Variants in FOXP1 observed in about 807,000 individuals in gnomAD.
The protein encoded by FOXP1 is forkhead box protein P1.
FOXP1 carries 15 observed loss-of-function variants against 98.2 expected under a neutral mutation model. The ratio of observed to expected loss-of-function variants is 0.15; its 90% confidence interval spans 0.10 to 0.24. The LOEUF (loss-of-function observed/expected upper bound fraction) is 0.24. Among genes scored for constraint, FOXP1 ranks in the 10% least tolerant of loss-of-function variants. The pLI is 1.00. For synonymous variants in FOXP1, 371 were observed against 314.5 expected (o/e 1.18, Z -1.90); for missense variants, 633 against 848.5 (o/e 0.75, Z 3.15).
At chr3:71,126,109 T>C (rs2059151745) in intron 6 of FOXP1, among the ~76,000 whole-genome samples, 1 of 152,206 alleles carries the variant, frequency 6.6e-6, no homozygotes, top group African/African-American at 2.4e-5. Flanking sequence ...GTAAAATGTA[T>C]ACATGAATTG....
chr3:71,348,644 C>A (rs184496549), intron 4 of FOXP1, among the ~76,000 whole-genome samples: 1 of 151,696 alleles, frequency 6.6e-6, no homozygotes, highest in Non-Finnish European at 1.5e-5. Context: ...ATAAGTCACA[C>A]ATGCAGGTGT....
intron 2 of FOXP1, among the ~76,000 whole-genome samples, chr3:71,578,825 G>GT (rs1246711630): frequency 6.6e-6 from 1 of 152,172 alleles, no homozygotes; most frequent in African/African-American, 2.4e-5. Flanking sequence ...GAAAAACTCA[G>GT]TAACAGAAAA....
chr3:71,475,687 A>G (rs2089767117), intron 3 of FOXP1, among the ~76,000 whole-genome samples: 1 of 152,030 alleles, frequency 6.6e-6, no homozygotes, highest in African/African-American at 2.4e-5. Flanking sequence ...TACTAATAAT[A>G]CAAAAATTAG....
At chr3:71,150,198 C>T (rs555233323) in intron 6 of FOXP1, among the ~76,000 whole-genome samples, 2 of 152,126 alleles carry the variant, frequency 1.3e-5, no homozygotes, top group African/African-American at 4.8e-5. Flanking sequence ...GAGATAAGGG[C>T]GAAATCAACG....
chr3:71,302,397 T>A (rs1452515251), intron 4 of FOXP1, among the ~76,000 whole-genome samples: 1 of 151,988 alleles, frequency 6.6e-6, no homozygotes, highest in East Asian at 1.9e-4. Context: ...CAATACTATA[T>A]TTGCTATTTT....
chr3:71,162,044 C>G (rs997233405), intron 6 of FOXP1, among the ~76,000 whole-genome samples: 1 of 152,118 alleles, frequency 6.6e-6, no homozygotes, highest in Non-Finnish European at 1.5e-5. Context: ...AAATCCCTAC[C>G]CGCAGTTTAT....
intron 6 of FOXP1, among the ~76,000 whole-genome samples, chr3:71,133,030 A>C (rs2059648238): frequency 6.6e-6 from 1 of 152,184 alleles, no homozygotes; most frequent in African/African-American, 2.4e-5. Context: ...CTTACTCCAA[A>C]CATCTCCCAA....
chr3:71,090,908 C>A (rs1353836881), intron 7 of FOXP1, among the ~76,000 whole-genome samples: 1 of 152,106 alleles, frequency 6.6e-6, no homozygotes, highest in African/African-American at 2.4e-5. Context: ...AGGGGGTTGA[C>A]AACTGCCACT....
chr3:70,972,592 C>G lies in FOXP1; in HGVS notation c.1615G>C (p.Val539Leu), dbSNP rs2107197723. The part of the protein sequence containing the change: ...VKGAVWTVDE[V>L]EFQKRRPQKI... ...TGTGGCCTTCGTTTTTGGAATTCTA[C>G]TTCATCCACTGTCCATACTGCCCCT... The change falls in exon 18 of 21, where the codon GTA (valine) becomes CTA (leucine). Residue 539 changes from valine (V) to leucine (L), a missense_variant. By Grantham distance (32) the Val-to-Leu change is conservative (BLOSUM62 1). Transcript: ENST00000649528. 1 of 1,614,212 alleles carries G rather than the reference C, an allele frequency of 6.2e-7. No individual in the cohort carries two copies. The highest frequency in any genetic ancestry group is 8.5e-7 in the Non-Finnish European group (1 of 1,180,020).
intron 2 of FOXP1, among the ~76,000 whole-genome samples, chr3:71,502,564 C>G (rs1015386693): frequency 1.3e-5 from 2 of 152,164 alleles, no homozygotes; most frequent in Non-Finnish European, 2.9e-5. Context: ...ATATTATTTT[C>G]ATCTTCACAC....
chr3:71,464,147 A>T (rs1560521911), intron 3 of FOXP1, among the ~76,000 whole-genome samples: 1 of 152,208 alleles, frequency 6.6e-6, no homozygotes, highest in African/African-American at 2.4e-5. Context: ...GCGTGATGGC[A>T]CATGCTGTGG....
chr3:71,502,008 G>C (rs560087937), intron 2 of FOXP1, among the ~76,000 whole-genome samples: 6 of 152,318 alleles, frequency 3.9e-5, no homozygotes, highest in African/African-American at 1.4e-4. Context: ...AGAAGGTTGG[G>C]AGGCGTGACG....
chr3:71,432,981 T>C (rs1186994506), intron 3 of FOXP1, among the ~76,000 whole-genome samples: 1 of 152,128 alleles, frequency 6.6e-6, no homozygotes, highest in Non-Finnish European at 1.5e-5. Flanking sequence ...TTCTAATGGT[T>C]AGAACACCCT....
At chr3:71,172,638 G>A (rs558599408) in intron 6 of FOXP1, among the ~76,000 whole-genome samples, 6 of 152,180 alleles carry the variant, frequency 3.9e-5, no homozygotes, top group Non-Finnish European at 8.8e-5. Context: ...CAGGGACTCC[G>A]AATCCTAGGT....
At chr3:71,214,163 G>A (rs903555036) in intron 5 of FOXP1, among the ~76,000 whole-genome samples, 2 of 152,226 alleles carry the variant, frequency 1.3e-5, no homozygotes, top group African/African-American at 4.8e-5. Context: ...GGGCCCCTTT[G>A]CACAGAGATA....
At chr3:71,427,214 T>A (rs142120721) in intron 3 of FOXP1, among the ~76,000 whole-genome samples, 2 of 152,138 alleles carry the variant, frequency 1.3e-5, no homozygotes, top group Non-Finnish European at 2.9e-5. Context: ...ACCATATATC[T>A]AATATGTAGC....
At chr3:71,095,440 A>G (rs944228750) in intron 7 of FOXP1, among the ~76,000 whole-genome samples, 1 of 152,236 alleles carries the variant, frequency 6.6e-6, no homozygotes, top group South Asian at 2.1e-4. Flanking sequence ...AGAGGATTCT[A>G]TTTGTTAAAA....
Position 71,130,371 on chromosome 3 carries a change from G to A in FOXP1, c.181-17734C>T, listed in dbSNP as rs994358147. Reference sequence around the variant, plus strand: ...TGATGGAGAGAGGAGGGAAGGGGGAGGAAAAAAAGCAGTAAACAAGTTGGA... The same window carrying A: ...TGATGGAGAGAGGAGGGAAGGGGGAAGAAAAAAAGCAGTAAACAAGTTGGA... On this transcript the variant is annotated intron_variant, in intron 6 of 20. Transcript: ENST00000649528. 6.7e-6 allele frequency: 6 copies of A among 893,128 alleles called. No individual in the cohort carries two copies. In the African/African-American group the frequency reaches 1.0e-4, roughly 15 times the overall value. 55.3% of individuals were successfully genotyped at this position (893,128 alleles called of 1,614,324 possible). A position where few individuals can be genotyped will look rare whatever the true frequency, so the allele number is the denominator to read the frequency against.
intron 5 of FOXP1, among the ~76,000 whole-genome samples, chr3:71,243,078 T>G (rs1263671872): frequency 6.6e-6 from 1 of 152,136 alleles, no homozygotes; most frequent in Non-Finnish European, 1.5e-5. Context: ...TATCTCCCCG[T>G]CTAATTAAAG....
Sources: gnomAD v4.1 joint callset for allele counts (sites outside exome capture counted in the v4.1 genomes callset) on GRCh38, gnomAD v4.1.1 for gene constraint, MANE v1.5 for transcripts, NCBI Gene and HGNC (gene_info 2026-07-23, HGNC 2026-07-21) for gene names.